Variants in GJC1 observed in about 807,000 individuals in gnomAD.
GJC1 encodes gap junction protein gamma 1.
A neutral mutation model predicts 29.3 loss-of-function variants in GJC1; 5 were observed. The observed-to-expected ratio is 0.17, with a 90% confidence interval of 0.09 to 0.36. The LOEUF is 0.36. Among genes scored for constraint, GJC1 ranks in the 10% least tolerant of loss-of-function variants. GJC1 has a pLI of 1.00. For missense variants in GJC1, 310 were observed against 496.2 expected (o/e 0.62, Z 3.56); for synonymous variants, 177 against 183.3 (o/e 0.97, Z 0.28).
intron 1 of GJC1, among the ~76,000 whole-genome samples, chr17:44,815,629 G>A (rs974332505): frequency 3.3e-5 from 5 of 151,848 alleles, no homozygotes; most frequent in South Asian, 4.2e-4. Context: ...AGTAGGATAC[G>A]TTCCCCCTCA....
intron 1 of GJC1, among the ~76,000 whole-genome samples, chr17:44,823,635 T>C (rs1410236751): frequency 1.3e-5 from 2 of 152,062 alleles, no homozygotes; most frequent in Non-Finnish European, 2.9e-5. Flanking sequence ...ACTCCTGGAC[T>C]CAAGCAATCC....
At chr17:44,810,511 T>C (rs953999380) in intron 1 of GJC1, among the ~76,000 whole-genome samples, 4 of 152,138 alleles carry the variant, frequency 2.6e-5, no homozygotes, top group Admixed American at 6.5e-5. Flanking sequence ...TGGTTTTCCA[T>C]AGACAATCCT....
rs2049890479 is a variant in GJC1, at chr17:44,804,642, G to A, written c.1176C>T (p.Thr392=). 6.2e-7 allele frequency: 1 copy of A among 1,612,376 alleles called. No homozygotes were observed. Among genetic ancestry groups the A allele is most frequent in the South Asian group, 1.1e-5 (1 of 90,884 alleles). Residue 392 remains threonine (T), a synonymous_variant, in exon 3 of 3, where the codon ACC becomes ACT. Transcript: ENST00000592524. The part of the protein sequence containing the change: ...TASSKSGDGK[T]SVWI Reference sequence around the variant, plus strand: ...CCCGCCAGGATTAAATCCAGACGGAGGTCTTCCCATCCCCTGATTTGCTAC... The same window carrying A: ...CCCGCCAGGATTAAATCCAGACGGAAGTCTTCCCATCCCCTGATTTGCTAC...
chr17:44,808,764 A>G (rs1194554667), intron 1 of GJC1, among the ~76,000 whole-genome samples: 1 of 152,110 alleles, frequency 6.6e-6, no homozygotes, highest in Non-Finnish European at 1.5e-5. Flanking sequence ...CAAAAAATAA[A>G]GAAGCAAAAA....
intron 1 of GJC1, among the ~76,000 whole-genome samples, chr17:44,822,128 C>T (rs1488312934): frequency 4.0e-5 from 5 of 125,218 alleles, no homozygotes; most frequent in African/African-American, 1.5e-4. Flanking sequence ...ACCTGGGAGG[C>T]GGAGCTTGCA....
chr17:44,818,808 G>A (rs2050072323), intron 1 of GJC1, among the ~76,000 whole-genome samples: 1 of 151,652 alleles, frequency 6.6e-6, no homozygotes, highest in Admixed American at 6.6e-5. Flanking sequence ...ATCTGGGGGT[G>A]TGGGGCGGGA....
chr17:44,804,291 T>G lies in GJC1; in HGVS notation c.*336A>C, dbSNP rs971245897. 1.4e-4 allele frequency: 29 copies of G among 203,830 alleles called. No homozygotes were observed. Among genetic ancestry groups the G allele is most frequent in the Admixed American group, 2.2e-4 (4 of 18,388 alleles). 12.6% of individuals were successfully genotyped at this position (203,830 alleles called of 1,614,324 possible). On this transcript the variant is annotated 3_prime_UTR_variant, in exon 3 of 3. Coordinates refer to ENST00000592524, the MANE Select transcript of GJC1 (RefSeq NM_005497.4). ...GTTCAATGTACAAATACAAAAAAAG[T>G]TCTCATACTAAAAAAAAAAAAGTAC... is the stretch of plus-strand genomic sequence containing the variant.
chr17:44,824,977 G>A (rs1469378050), intron 1 of GJC1, among the ~76,000 whole-genome samples: 2 of 149,764 alleles, frequency 1.3e-5, no homozygotes, highest in East Asian at 3.9e-4. Context: ...TATTTGAGAG[G>A]CCAAGAGGAC....
chr17:44,821,733 A>C (rs1567714319), intron 1 of GJC1, among the ~76,000 whole-genome samples: 1 of 150,782 alleles, frequency 6.6e-6, no homozygotes, highest in Non-Finnish European at 1.5e-5. Context: ...AAACAACAAA[A>C]AAACACCAAC....
intron 1 of GJC1, among the ~76,000 whole-genome samples, chr17:44,812,286 C>T (rs1307108545): frequency 6.6e-6 from 1 of 152,110 alleles, no homozygotes; most frequent in Non-Finnish European, 1.5e-5. Flanking sequence ...GATTGCGCCA[C>T]TGTACTCCAG....
At chr17:44,827,466 C>T (rs73307266) in intron 1 of GJC1, among the ~76,000 whole-genome samples, 1 of 151,858 alleles carries the variant, frequency 6.6e-6, no homozygotes, top group African/African-American at 2.4e-5. Flanking sequence ...GTAATCATAC[C>T]CCCTAGTCAA....
At chr17:44,813,748 C>T (rs1326470326) in intron 1 of GJC1, among the ~76,000 whole-genome samples, 1 of 152,098 alleles carries the variant, frequency 6.6e-6, no homozygotes, top group Non-Finnish European at 1.5e-5. Context: ...TCACCTCGGC[C>T]TCCCAAAGTG....
At chr17:44,809,879 CA>C (rs1320007342) in intron 1 of GJC1, among the ~76,000 whole-genome samples, 1 of 121,652 alleles carries the variant, frequency 8.2e-6, no homozygotes, top group Non-Finnish European at 1.7e-5. Context: ...TTTTTTTTTC[CA>C]GACAGTCTCG....
intron 1 of GJC1, among the ~76,000 whole-genome samples, chr17:44,825,794 A>T (rs1269782124): frequency 6.7e-6 from 1 of 149,010 alleles, no homozygotes; most frequent in Non-Finnish European, 1.5e-5. Context: ...AAAAAAAAAA[A>T]GTTGAATGAC....
At chr17:44,810,722 G>A (rs530772348) in intron 1 of GJC1, among the ~76,000 whole-genome samples, 33 of 152,292 alleles carry the variant, frequency 2.2e-4, no homozygotes, top group African/African-American at 7.7e-4. Flanking sequence ...CATGTGTGGG[G>A]AGGAGCGGGG....
At chr17:44,820,144 T>C (rs1240435911) in intron 1 of GJC1, among the ~76,000 whole-genome samples, 1 of 152,218 alleles carries the variant, frequency 6.6e-6, no homozygotes, top group Non-Finnish European at 1.5e-5. Context: ...ACATTTTTAG[T>C]AGAAACAGGG....
rs1422942020 is a variant in GJC1 at position 44,800,012 on chromosome 17, T to C, written c.*4615A>G. On this transcript the variant is annotated 3_prime_UTR_variant, in exon 3 of 3. Coordinates refer to ENST00000592524, the MANE Select transcript of GJC1 (RefSeq NM_005497.4). ...GGCCGGAATGAGTACAAGTATGCAATTCAATGATTCCAACATTTGATGGTG... is the reference window on the plus strand; with the variant it reads ...GGCCGGAATGAGTACAAGTATGCAACTCAATGATTCCAACATTTGATGGTG... The C allele has an allele frequency of 1.3e-5, 2 of 152,246 alleles. No individual in the cohort carries two copies. Among genetic ancestry groups the C allele is most frequent in the African/African-American group, 4.8e-5 (2 of 41,464 alleles). 9.4% of individuals were successfully genotyped at this position (152,246 alleles called of 1,614,324 possible). A position where few individuals can be genotyped will look rare whatever the true frequency, so the allele number is the denominator to read the frequency against.
intron 1 of GJC1, among the ~76,000 whole-genome samples, chr17:44,813,563 A>ACTG (rs2050009362): frequency 2.7e-5 from 4 of 146,432 alleles, no homozygotes; most frequent in Non-Finnish European, 4.5e-5. Context: ...CACGATCTCA[A>ACTG]CTTACTGCAG....
chr17:44,827,421 TCTACA>T (rs1156277885), intron 1 of GJC1, among the ~76,000 whole-genome samples: 1 of 152,168 alleles, frequency 6.6e-6, no homozygotes, highest in African/African-American at 2.4e-5. Context: ...CACATGTATT[TCTACA>T]CTACAAGAAA....
Sources: gnomAD v4.1 joint callset for allele counts (sites outside exome capture counted in the v4.1 genomes callset) on GRCh38, gnomAD v4.1.1 for gene constraint, MANE v1.5 for transcripts, NCBI Gene and HGNC (gene_info 2026-07-23, HGNC 2026-07-21) for gene names.